Variants in LRP1B observed in about 807,000 individuals in gnomAD.
LRP1B encodes the protein LDL receptor related protein 1B.
In LRP1B, 217 loss-of-function variants were observed where a neutral mutation model predicts 556.6. The observed-to-expected ratio is 0.39, with a 90% CI of 0.35 to 0.44. LRP1B has a LOEUF of 0.44. LRP1B is among the 20% of genes least tolerant of loss of function. LRP1B has a pLI of 1.00. For synonymous variants in LRP1B, 2,047 were observed against 1,865.8 expected (o/e 1.10, Z -2.50); for missense variants, 5,053 against 5,620.8 (o/e 0.90, Z 3.23).
chr2:141,534,332 GTAGGTTCCCATTTC>G lies in LRP1B; in HGVS notation c.206-53813_206-53800del, dbSNP rs1684992319. On this transcript the variant is annotated intron_variant, in intron 2 of 90. Coordinates refer to ENST00000389484, the MANE Select transcript of LRP1B (RefSeq NM_018557.3). ...ATTTTAAAGCATATGGAAGTTTTTT[GTAGGTTCCCATTTC>G]CATTGGAAGATTCATATCGTTCCCT... Among the ~76,000 whole-genome samples, 5 of 152,208 alleles carry G rather than the reference GTAGGTTCCCATTTC, an allele frequency of 3.3e-5. No individual in the cohort carries two copies. The South Asian group carries it at 1.0e-3, about 32-fold the overall frequency.
At chr2:140,904,895 T>C (rs183018305) in intron 22 of LRP1B, among the ~76,000 whole-genome samples, 4 of 152,154 alleles carry the variant, frequency 2.6e-5, no homozygotes, top group South Asian at 2.1e-4. Context: ...AGTGTCACGG[T>C]TTTCTCAGTA....
At chr2:142,105,591 C>T (rs955610558) in intron 1 of LRP1B, among the ~76,000 whole-genome samples, 10 of 152,020 alleles carry the variant, frequency 6.6e-5, no homozygotes, top group African/African-American at 2.2e-4. Flanking sequence ...ATATGGTTCA[C>T]AAGGAGATCA....
intron 2 of LRP1B, among the ~76,000 whole-genome samples, chr2:141,741,099 A>T (rs1433214729): frequency 1.3e-5 from 2 of 152,018 alleles, no homozygotes; most frequent in African/African-American, 4.8e-5. Context: ...ACAGGATCTC[A>T]TTCTCTCTTT....
rs1301887485 is a variant in LRP1B at position 141,043,207 on chromosome 2, AAAAT to A, written c.1789+5775_1789+5778del. Among the ~76,000 whole-genome samples the A allele has an allele frequency of 3.7e-3, 60 of 16,076 alleles. 2 individuals are homozygous for A. The highest frequency in any genetic ancestry group is 0.011 in the African/African-American group (56 of 4,986). The allele number at this position is 16,076 out of a possible 152,430, so 10.5% of individuals were successfully genotyped here. ...GACAGAGTAAGACTCTGTCTCAAAA[AAAAT>A]AAAATAAAATAAATTAAAATAAATA... On this transcript the variant is annotated intron_variant, in intron 11 of 90. Coordinates refer to ENST00000389484, the MANE Select transcript of LRP1B (RefSeq NM_018557.3).
intron 83 of LRP1B, among the ~76,000 whole-genome samples, chr2:140,309,017 G>T (rs1046984197): frequency 6.6e-6 from 1 of 151,680 alleles, no homozygotes; most frequent in African/African-American, 2.4e-5. Context: ...CTTGACTTCA[G>T]ACTTTGATTC....
At chr2:141,777,979 A>T (rs1210516094) in intron 2 of LRP1B, among the ~76,000 whole-genome samples, 1 of 152,208 alleles carries the variant, frequency 6.6e-6, no homozygotes, top group African/African-American at 2.4e-5. Flanking sequence ...ATTTGTATAG[A>T]TATAGCATAA....
At chr2:141,648,237 T>C (rs1188881700) in intron 2 of LRP1B, among the ~76,000 whole-genome samples, 1 of 152,202 alleles carries the variant, frequency 6.6e-6, no homozygotes, top group Admixed American at 6.5e-5. Flanking sequence ...AACTCCACCA[T>C]TAATTAAGCT....
At position 140,444,686 on chromosome 2, in the gene LRP1B, G is replaced by A; in HGVS notation, c.10058-7C>T. The A allele has an allele frequency of 6.4e-7, 1 of 1,566,878 alleles. No homozygotes were observed. The highest frequency in any genetic ancestry group is 8.8e-7 in the Non-Finnish European group (1 of 1,137,390). On this transcript the variant is annotated splice_polypyrimidine_tract_variant and splice_region_variant and intron_variant, in intron 63 of 90. Coordinates refer to ENST00000389484, the MANE Select transcript of LRP1B (RefSeq NM_018557.3). ...GGCTGACATCTAAATTCAGCTAGGGGAGAAAGCATAGATATTGTGGAATGG... is the reference window on the plus strand; with the variant it reads ...GGCTGACATCTAAATTCAGCTAGGGAAGAAAGCATAGATATTGTGGAATGG...
intron 41 of LRP1B, among the ~76,000 whole-genome samples, chr2:140,622,663 C>A (rs2105254882): frequency 6.6e-6 from 1 of 152,130 alleles, no homozygotes; most frequent in African/African-American, 2.4e-5. Context: ...CCTTAGTTGG[C>A]CATAAGGCAG....
chr2:140,427,134 A>T (rs942390345), intron 66 of LRP1B, among the ~76,000 whole-genome samples: 2 of 151,998 alleles, frequency 1.3e-5, no homozygotes, highest in Non-Finnish European at 2.9e-5. Flanking sequence ...CCGGTCACGG[A>T]CTCGGGAAGG....
intron 2 of LRP1B, among the ~76,000 whole-genome samples, chr2:141,637,624 T>A (rs374556673): frequency 2.6e-5 from 4 of 152,338 alleles, no homozygotes; most frequent in African/African-American, 9.6e-5. Flanking sequence ...TGAATCACAA[T>A]GTAAGGCAGT....
chr2:140,236,146 C>T (rs1239563092), intron 89 of LRP1B, among the ~76,000 whole-genome samples: 1 of 150,676 alleles, frequency 6.6e-6, no homozygotes, highest in Non-Finnish European at 1.5e-5. Flanking sequence ...CACAATGTAT[C>T]CATGTGAAAA....
At chr2:141,381,541 G>T (rs1420453159) in intron 3 of LRP1B, among the ~76,000 whole-genome samples, 6 of 151,736 alleles carry the variant, frequency 4.0e-5, no homozygotes, top group Non-Finnish European at 7.4e-5. Flanking sequence ...TCAGATCCAG[G>T]AATCCTAAAG....
intron 18 of LRP1B, among the ~76,000 whole-genome samples, chr2:140,959,563 GA>G (rs1027166182): frequency 1.3e-5 from 2 of 151,434 alleles, no homozygotes; most frequent in Non-Finnish European, 3.0e-5. Flanking sequence ...AAGTAATTAA[GA>G]AAATAATAAA....
intron 1 of LRP1B, among the ~76,000 whole-genome samples, chr2:141,888,080 T>C (rs1049060738): frequency 6.6e-6 from 1 of 152,178 alleles, no homozygotes; most frequent in Non-Finnish European, 1.5e-5. Context: ...AAATTCAAAG[T>C]GTCCTCCTTC....
intron 18 of LRP1B, among the ~76,000 whole-genome samples, chr2:140,976,091 TG>T (rs1696587436): frequency 6.6e-6 from 1 of 151,972 alleles, no homozygotes; most frequent in East Asian, 1.9e-4. Flanking sequence ...CTAATTTTTT[TG>T]TATTTTTTGT....
chr2:140,535,345 T>C (rs964118541), intron 46 of LRP1B, among the ~76,000 whole-genome samples: 1 of 152,178 alleles, frequency 6.6e-6, no homozygotes, highest in Non-Finnish European at 1.5e-5. Flanking sequence ...TCTTATAGAA[T>C]ATAGCCATTC....
At chr2:141,050,580 G>C (rs1574022036) in intron 10 of LRP1B, among the ~76,000 whole-genome samples, 1 of 152,006 alleles carries the variant, frequency 6.6e-6, no homozygotes, top group African/African-American at 2.4e-5. Context: ...TCCAACTTAT[G>C]AGTGAAAACA....
intron 6 of LRP1B, among the ~76,000 whole-genome samples, chr2:141,203,892 C>G (rs1366520337): frequency 6.6e-6 from 1 of 152,146 alleles, no homozygotes; most frequent in African/African-American, 2.4e-5. Flanking sequence ...CAAAACCACA[C>G]AACTACATGG....
Sources: gnomAD v4.1 joint callset for allele counts (sites outside exome capture counted in the v4.1 genomes callset) on GRCh38, gnomAD v4.1.1 for gene constraint, MANE v1.5 for transcripts, NCBI Gene and HGNC (gene_info 2026-07-23, HGNC 2026-07-21) for gene names.